ASTN2: variants seen among roughly 807,000 people sequenced by gnomAD.
The protein encoded by ASTN2 is astrotactin 2, also known as astrotactin-2.
Under a neutral mutation model 139.8 loss-of-function variants are expected in ASTN2, and 54 were observed. The observed-to-expected ratio is 0.39, with a 90% CI of 0.31 to 0.48. ASTN2 has a LOEUF of 0.48. Ranked by LOEUF, ASTN2 falls within the 20% of genes least tolerant of loss-of-function variation. The pLI is 0.95. For synonymous variants in ASTN2, 756 were observed against 719.5 expected (o/e 1.05, Z -0.81); for missense variants, 1,565 against 1,725.1 (o/e 0.91, Z 1.64).
chr9:116,793,019 G>A (rs1004013571), intron 13 of ASTN2, among the ~76,000 whole-genome samples: 1 of 151,876 alleles, frequency 6.6e-6, no homozygotes, highest in African/African-American at 2.4e-5. Flanking sequence ...CATGAGTAAA[G>A]GGATCATTCA....
intron 10 of ASTN2, among the ~76,000 whole-genome samples, chr9:116,969,439 A>C (rs1928982): frequency 0.97 from 148,051 of 152,266 alleles, 72,104 homozygotes; most frequent in East Asian, 1. Flanking sequence ...TTCCTCAGTG[A>C]CAGGACTTCT....
At chr9:116,977,294 G>T (rs564735654) in intron 7 of ASTN2, among the ~76,000 whole-genome samples, 1 of 152,088 alleles carries the variant, frequency 6.6e-6, no homozygotes, top group Non-Finnish European at 1.5e-5. Context: ...CCTGTCTGTA[G>T]TCTCCTGGTT....
At chr9:117,034,443 G>A (rs1201090965) in intron 6 of ASTN2, among the ~76,000 whole-genome samples, 1 of 152,160 alleles carries the variant, frequency 6.6e-6, no homozygotes, top group Non-Finnish European at 1.5e-5. Context: ...ATGCTATGAG[G>A]CAGCTCCATT....
intron 7 of ASTN2, among the ~76,000 whole-genome samples, chr9:116,981,876 G>A (rs1477630246): frequency 6.6e-6 from 1 of 152,144 alleles, no homozygotes; most frequent in Non-Finnish European, 1.5e-5. Context: ...TTCTCATAAG[G>A]GAATTCAATT....
At position 117,414,612 on chromosome 9, in the gene ASTN2, G is replaced by A; in HGVS notation, c.327C>T (p.Gly109=). 1 of 1,542,136 alleles carries A rather than the reference G, an allele frequency of 6.5e-7. No homozygotes were observed. The highest frequency in any genetic ancestry group is 8.7e-7 in the Non-Finnish European group (1 of 1,150,454). The change falls in exon 1 of 23, where the codon GGC becomes GGT. Residue 109 remains glycine, a synonymous_variant. Transcript: ENST00000313400. The surrounding 1 kb of genome is among the most constrained non-coding windows in gnomAD (Gnocchi z 4.2). The part of the protein sequence containing the change: ...AAAAASPGSP[G]SAGTAAESRL... The stretch of plus-strand genomic sequence containing the variant: ...GCGACTCGGCGGCGGTGCCGGCAGA[G>A]CCAGGAGAGCCCGGGGACGCGGCGG...
chr9:116,615,883 T>C (rs35316886), intron 19 of ASTN2, among the ~76,000 whole-genome samples: 23,930 of 151,702 alleles, frequency 0.16, 2,406 homozygotes, highest in Non-Finnish European at 0.23. Context: ...ATAAAAAAAA[T>C]AAAAAATGAA....
intron 4 of ASTN2, among the ~76,000 whole-genome samples, chr9:117,109,269 G>C (rs1463692158): frequency 6.6e-6 from 1 of 151,464 alleles, no homozygotes. Flanking sequence ...GCGACAGAGG[G>C]AGACTCTGTC....
chr9:117,229,330 C>T (rs1280433028), intron 2 of ASTN2, among the ~76,000 whole-genome samples: 1 of 152,186 alleles, frequency 6.6e-6, no homozygotes, highest in African/African-American at 2.4e-5. Context: ...AGGACTGCCC[C>T]AAGGTGGATC....
At chr9:116,613,674 AGTG>A in intron 19 of ASTN2, 1 of 152,228 alleles carries the variant, frequency 6.6e-6, no homozygotes, top group African/African-American at 2.4e-5. Flanking sequence ...AAAATTCAAC[AGTG>A]CTTCATGCTC....
intron 7 of ASTN2, among the ~76,000 whole-genome samples, chr9:116,995,350 A>T (rs1283939543): frequency 1.3e-5 from 2 of 152,202 alleles, no homozygotes; most frequent in Non-Finnish European, 2.9e-5. Context: ...GCCCATAGAG[A>T]AAAGGGGACT....
At chr9:116,573,623 GTTTT>G (rs35979421) in intron 19 of ASTN2, among the ~76,000 whole-genome samples, 24,540 of 152,054 alleles carry the variant, frequency 0.16, 2,474 homozygotes, top group Non-Finnish European at 0.23. Flanking sequence ...CAAGAATCAT[GTTTT>G]TTGTTTGTTT....
intron 3 of ASTN2, among the ~76,000 whole-genome samples, chr9:117,163,856 A>C (rs1335823161): frequency 6.6e-6 from 1 of 152,118 alleles, no homozygotes; most frequent in Non-Finnish European, 1.5e-5. Flanking sequence ...TCATAGGTGC[A>C]ATGATGTGTG....
chr9:117,351,928 G>T (rs1829405336), intron 1 of ASTN2, among the ~76,000 whole-genome samples: 1 of 152,156 alleles, frequency 6.6e-6, no homozygotes, highest in South Asian at 2.1e-4. Flanking sequence ...TTAGTCACGT[G>T]AGTTTATTAA....
chr9:116,699,582 G>A lies in ASTN2; in HGVS notation c.2806+26189C>T, dbSNP rs780867714. On this transcript the variant is annotated intron_variant, in intron 16 of 22. Transcript: ENST00000313400. This position sits in a 1 kb window ranked among gnomAD's most constrained non-coding sequence, Gnocchi z 4.2. ...TGGGGGCTATAGTGTCCTTATTCGA[G>A]AGGGACTTACCTGTCCGGTGGGCAT... 4.0e-5 allele frequency: 64 copies of A among 1,614,102 alleles called. No individual in the cohort carries two copies. In the East Asian group the frequency reaches 1.4e-3, roughly 35 times the overall value.
chr9:116,442,114 T>C (rs147363528), intron 21 of ASTN2, among the ~76,000 whole-genome samples: 1 of 152,176 alleles, frequency 6.6e-6, no homozygotes, highest in Non-Finnish European at 1.5e-5. Context: ...AGAAAATGAT[T>C]GGTCCCTGAG....
chr9:116,784,834 C>A (rs1331357208), intron 13 of ASTN2, among the ~76,000 whole-genome samples: 1 of 149,022 alleles, frequency 6.7e-6, no homozygotes, highest in Non-Finnish European at 1.5e-5. Flanking sequence ...GAGGCTGAAG[C>A]AGGAGAATCA....
At chr9:116,577,797 T>C (rs1254365460) in intron 19 of ASTN2, among the ~76,000 whole-genome samples, 2 of 152,180 alleles carry the variant, frequency 1.3e-5, no homozygotes, top group African/African-American at 2.4e-5. Context: ...GATAGAATCA[T>C]TGATTTAAAT....
chr9:117,201,275 A>G (rs553329029), intron 3 of ASTN2, among the ~76,000 whole-genome samples: 1 of 151,894 alleles, frequency 6.6e-6, no homozygotes, highest in Non-Finnish European at 1.5e-5. Context: ...GTTCTTCATT[A>G]GTCTAGCTAG....
intron 2 of ASTN2, among the ~76,000 whole-genome samples, chr9:117,279,963 G>A (rs1437667998): frequency 6.6e-6 from 1 of 151,778 alleles, no homozygotes; most frequent in South Asian, 2.1e-4. Flanking sequence ...TTTCACTAAT[G>A]TCCTTGTTTT....
Sources: allele counts gnomAD v4.1 joint callset (sites outside exome capture counted in the v4.1 genomes callset), GRCh38; gene constraint gnomAD v4.1.1; non-coding constraint Gnocchi (gnomAD v3.1); transcripts MANE v1.5; gene names NCBI Gene and HGNC (gene_info 2026-07-23, HGNC 2026-07-21).